The following PLSCR2 variants were observed in gnomAD, a reference collection of about 807,000 sequenced individuals.
PLSCR2 encodes phospholipid scramblase 2.
PLSCR2 carries 18 observed loss-of-function variants against 25.3 expected under a neutral mutation model. The observed-to-expected ratio is 0.71, with a 90% confidence interval of 0.49 to 1.06. The LOEUF is 1.06. Among genes scored for constraint, PLSCR2 ranks in the 50% least tolerant of loss-of-function variants. The probability of loss-of-function intolerance (pLI) is 0.00; values close to 1 mark genes in which losing one functional copy is unlikely to be tolerated. For missense variants in PLSCR2, 243 were observed against 269.5 expected (o/e 0.90, Z 0.69); for synonymous variants, 88 against 87.3 (o/e 1.01, Z -0.04).
At chr3:146,442,415 T>G (rs2040300900) in intron 6 of PLSCR2, among the ~76,000 whole-genome samples, 1 of 151,914 alleles carries the variant, frequency 6.6e-6, no homozygotes, top group African/African-American at 2.4e-5. Context: ...CAATGTCATC[T>G]CTCTCAAAAT....
chr3:146,449,565 G>A (rs2222465), intron 5 of PLSCR2, among the ~76,000 whole-genome samples, 198 bp from the exon 6 acceptor site: 87,037 of 151,752 alleles, frequency 0.57, 25,432 homozygotes, highest in South Asian at 0.76. Flanking sequence ...TATTGTGTAG[G>A]AAACTTACAT....
chr3:146,489,434 G>A (rs2120384), intron 1 of PLSCR2, among the ~76,000 whole-genome samples: 34,684 of 152,014 alleles, frequency 0.23, 4,021 homozygotes, highest in South Asian at 0.34. Flanking sequence ...ATTTTCAAGG[G>A]AACTTGTAGA....
chr3:146,419,226 A>G (rs578153190), intron 2 of PLSCR2, among the ~76,000 whole-genome samples: 1 of 152,270 alleles, frequency 6.6e-6, no homozygotes, highest in East Asian at 1.9e-4. Flanking sequence ...ATCTTTCAAA[A>G]TAACATTATG....
exon 2 of PLSCR2, chr3:146,460,075 CG>C (rs770918033): frequency 6.5e-7 from 1 of 1,528,638 alleles, no homozygotes; most frequent in African/African-American, 1.4e-5. Context: ...ACAATATGTC[CG>C]GGAGGTCCTG....
chr3:146,453,928 C>T (rs1452382607), intron 5 of PLSCR2, 74 bp downstream of exon 5: 2 of 1,171,920 alleles, frequency 1.7e-6, no homozygotes, highest in African/African-American at 1.6e-5. Context: ...TAATTTAAGG[C>T]ATTCATAATA....
At chr3:146,481,035 C>A (rs1202156866) in intron 1 of PLSCR2, among the ~76,000 whole-genome samples, 1 of 152,070 alleles carries the variant, frequency 6.6e-6, no homozygotes, top group Non-Finnish European at 1.5e-5. Flanking sequence ...TTCAACAGCT[C>A]CTCATATTAA....
At chr3:146,469,100 C>G in intron 1 of PLSCR2, 2 of 984,232 alleles carry the variant, frequency 2.0e-6, no homozygotes, top group Non-Finnish European at 2.4e-6. Flanking sequence ...TCATTGAATA[C>G]TTACTGATAA....
chr3:146,409,238 C>T (rs573977296), intron 2 of PLSCR2, among the ~76,000 whole-genome samples: 103 of 152,172 alleles, frequency 6.8e-4, no homozygotes, highest in African/African-American at 1.5e-3. Context: ...GCTATTTCCT[C>T]TACAGTCAAG....
chr3:146,415,470 A>G (rs1262599526), intron 2 of PLSCR2, among the ~76,000 whole-genome samples: 1 of 152,070 alleles, frequency 6.6e-6, no homozygotes, highest in East Asian at 1.9e-4. Flanking sequence ...TACATATTAT[A>G]AATATTTTTG....
At chr3:146,450,374 G>A (rs1307420368) in intron 5 of PLSCR2, among the ~76,000 whole-genome samples, 1 of 152,172 alleles carries the variant, frequency 6.6e-6, no homozygotes, top group East Asian at 1.9e-4. Context: ...TTGGTGAAAA[G>A]GTTCTTTTTA....
chr3:146,461,762 T>C (rs1461558306), upstream of PLSCR2: 6 of 701,754 alleles, frequency 8.5e-6, no homozygotes, highest in Non-Finnish European at 1.6e-5. Flanking sequence ...ACCAAAGCAA[T>C]AGGAAGAAGT....
downstream of PLSCR2, among the ~76,000 whole-genome samples, chr3:146,429,930 G>A (rs117337523): frequency 1.3e-5 from 2 of 152,112 alleles, no homozygotes; most frequent in Non-Finnish European, 1.5e-5. Context: ...CCAGGGAAGG[G>A]GTGGGAGCAA....
intron 1 of PLSCR2, among the ~76,000 whole-genome samples, chr3:146,487,592 T>A (rs947593348): frequency 6.6e-6 from 1 of 151,880 alleles, no homozygotes; most frequent in African/African-American, 2.4e-5. Flanking sequence ...GAGAATAAAA[T>A]ACCTAGAAAT....
At chr3:146,489,717 A>G (rs1274417262) in intron 1 of PLSCR2, among the ~76,000 whole-genome samples, 1 of 152,092 alleles carries the variant, frequency 6.6e-6, no homozygotes, top group African/African-American at 2.4e-5. Context: ...TCGATCTTCT[A>G]ATCTTCTGAC....
At chr3:146,425,218 A>T (rs1208509303) in intron 2 of PLSCR2, among the ~76,000 whole-genome samples, 1 of 152,066 alleles carries the variant, frequency 6.6e-6, no homozygotes, top group East Asian at 1.9e-4. Flanking sequence ...GAATGACATC[A>T]AGTCATTTAT....
exon 6 of PLSCR2, chr3:146,449,298 C>A (rs2040751149): frequency 6.2e-7 from 1 of 1,611,488 alleles, no homozygotes; most frequent in African/African-American, 1.3e-5. Context: ...TCAGTAAATG[C>A]CTCTCTTAAA....
chr3:146,495,779 C>T lies in PLSCR2; in HGVS notation c.-293+116G>A, dbSNP rs56223120. On this transcript the variant is annotated intron_variant, in intron 1 of 8. Coordinates refer to the PLSCR2 transcript ENST00000336685. ...AGATACCTAGTATGAGTTTAAGGTC[C>T]CCATTAGGTAGTTCGTGAATAGGAA... is the stretch of plus-strand genomic sequence containing the variant. 879 of 695,156 alleles carry T rather than the reference C, an allele frequency of 1.3e-3. 8 individuals are homozygous for T. In the African/African-American group the frequency reaches 0.014, roughly 11 times the overall value. 43.1% of individuals were successfully genotyped at this position (695,156 alleles called of 1,614,324 possible).
chr3:146,469,298 G>T, intron 1 of PLSCR2, 197 bp downstream of exon 1: 1 of 985,648 alleles, frequency 1.0e-6, no homozygotes, highest in Non-Finnish European at 1.2e-6. Flanking sequence ...AACGGTTCTG[G>T]TGTGAGCCAG....
chr3:146,465,772 G>C (rs1224985160), intron 1 of PLSCR2, among the ~76,000 whole-genome samples: 1 of 152,156 alleles, frequency 6.6e-6, no homozygotes, highest in East Asian at 1.9e-4. Context: ...AGCCCAGGGA[G>C]AAGGCAACAT....
Sources: allele counts gnomAD v4.1 joint callset (sites outside exome capture counted in the v4.1 genomes callset), GRCh38; gene constraint gnomAD v4.1.1; transcripts MANE v1.5; gene names NCBI Gene and HGNC (gene_info 2026-07-23, HGNC 2026-07-21).